MAGI2: variants seen among roughly 807,000 people sequenced by gnomAD.
MAGI2 encodes the protein membrane associated guanylate kinase, WW and PDZ domain containing 2, also known as membrane-associated guanylate kinase, WW and PDZ domain-containing protein 2.
MAGI2 carries 35 observed loss-of-function variants against 133.3 expected under a neutral mutation model. That is an observed-to-expected ratio of 0.26 (90% confidence interval 0.20 to 0.35). The LOEUF is 0.35. Among genes scored for constraint, MAGI2 ranks in the 10% least tolerant of loss-of-function variants. MAGI2 has a pLI of 1.00. For missense variants in MAGI2, 1,636 were observed against 1,863.4 expected, an observed-to-expected ratio of 0.88 and a Z score of 2.25; for synonymous variants, 729 against 710.6, an observed-to-expected ratio of 1.03 and a Z score of -0.41.
chr7:78,456,289 T>A (rs1430688164), intron 6 of MAGI2, among the ~76,000 whole-genome samples: 3 of 152,176 alleles, frequency 2.0e-5, no homozygotes, highest in African/African-American at 7.2e-5. Context: ...AGGCTTTTTA[T>A]AAGTTTGTGC....
chr7:79,247,440 C>T (rs904516644), intron 1 of MAGI2, among the ~76,000 whole-genome samples: 1 of 152,046 alleles, frequency 6.6e-6, no homozygotes, highest in African/African-American at 2.4e-5. Flanking sequence ...AATGGTGAGA[C>T]CTCGTCTCTA....
chr7:79,218,678 A>C (rs1335394788), intron 1 of MAGI2, among the ~76,000 whole-genome samples: 2 of 152,094 alleles, frequency 1.3e-5, no homozygotes, highest in Non-Finnish European at 2.9e-5. Flanking sequence ...GCTACTCTGT[A>C]AAAAGTTGGA....
At chr7:79,280,131 T>C (rs1835521602) in intron 1 of MAGI2, among the ~76,000 whole-genome samples, 1 of 152,180 alleles carries the variant, frequency 6.6e-6, no homozygotes, top group South Asian at 2.1e-4. Context: ...ATATAATAAG[T>C]CTTGGTCTCT....
In MAGI2 at chr7:78,361,558, T is replaced by C. The variant is rs1792813441; in HGVS notation, c.1103+7598A>G. Among the ~76,000 whole-genome samples, 3 of 152,296 alleles carry C rather than the reference T, an allele frequency of 2.0e-5. 1 individual carries two copies. Among genetic ancestry groups the C allele is most frequent in the Middle Eastern group, 6.8e-3 (2 of 294 alleles). ...TGGCTTTAGGACAAAGAAAATAATG[T>C]TTGAGAGTTATAAAAATTGTTTGTA... is the stretch of plus-strand genomic sequence containing the variant. On this transcript the variant is annotated intron_variant, in intron 7 of 21. Transcript: ENST00000354212.
chr7:78,371,402 A>C (rs75968533), intron 6 of MAGI2, among the ~76,000 whole-genome samples: 10,436 of 151,990 alleles, frequency 0.069, 394 homozygotes, highest in South Asian at 0.095. Flanking sequence ...CATCTTATGA[A>C]TGCAACAATA....
At chr7:79,182,044 G>A (rs932041749) in intron 1 of MAGI2, among the ~76,000 whole-genome samples, 3 of 151,866 alleles carry the variant, frequency 2.0e-5, no homozygotes, top group African/African-American at 7.3e-5. Context: ...AAGAAGTCTC[G>A]AGGGAGCTCT....
chr7:78,320,293 C>T (rs373918986), intron 9 of MAGI2, among the ~76,000 whole-genome samples: 1 of 152,100 alleles, frequency 6.6e-6, no homozygotes, highest in African/African-American at 2.4e-5. Context: ...CATCCCGATA[C>T]CAAAACCTGG....
At chr7:78,442,606 G>A (rs1327094797) in intron 6 of MAGI2, among the ~76,000 whole-genome samples, 1 of 152,132 alleles carries the variant, frequency 6.6e-6, no homozygotes, top group Non-Finnish European at 1.5e-5. Flanking sequence ...AATTTAGGAA[G>A]TTTGGCAAAT....
chr7:78,029,609 C>T (rs114453898), intron 21 of MAGI2, among the ~76,000 whole-genome samples: 2,417 of 152,248 alleles, frequency 0.016, 72 homozygotes, highest in African/African-American at 0.055. Flanking sequence ...CCCTTTAGGC[C>T]ATTTCTTGGG....
At chr7:78,970,814 T>C (rs1803724649) in intron 2 of MAGI2, among the ~76,000 whole-genome samples, 1 of 152,052 alleles carries the variant, frequency 6.6e-6, no homozygotes, top group South Asian at 2.1e-4. Flanking sequence ...ACAGCTTTCT[T>C]GTATCCTGTG....
At chr7:79,283,341 G>T (rs1305269992) in intron 1 of MAGI2, among the ~76,000 whole-genome samples, 5 of 152,026 alleles carry the variant, frequency 3.3e-5, no homozygotes, top group Non-Finnish European at 5.9e-5. Context: ...CAATAATAAA[G>T]CAGAAAGCAT....
chr7:78,052,881 G>C (rs1257980191), intron 21 of MAGI2, among the ~76,000 whole-genome samples: 1 of 151,868 alleles, frequency 6.6e-6, no homozygotes, highest in Non-Finnish European at 1.5e-5. Context: ...TAAAGTAGTG[G>C]AAAAATTAGA....
intron 3 of MAGI2, among the ~76,000 whole-genome samples, chr7:78,550,968 A>G (rs1157673473): frequency 6.6e-6 from 1 of 152,156 alleles, no homozygotes; most frequent in Non-Finnish European, 1.5e-5. Context: ...GATCCTTGTA[A>G]GCCATCTTAA....
Position 79,235,395 on chromosome 7 carries a change from C to G in MAGI2, c.301+217625G>C, listed in dbSNP as rs576464207. On this transcript the variant is annotated intron_variant, in intron 1 of 21. Transcript: ENST00000354212. The stretch of plus-strand genomic sequence containing the variant: ...ATGGCGGGCGCCCCTCCCCCAGCCT[C>G]GCTGCCGCCTTGCAGTTTGATCTCA... Among the ~76,000 whole-genome samples the G allele has an allele frequency of 5.5e-3, 830 of 151,780 alleles. 12 individuals carry two copies. Among genetic ancestry groups the G allele is most frequent in the Non-Finnish European group, 6.1e-3 (416 of 67,842 alleles).
intron 2 of MAGI2, among the ~76,000 whole-genome samples, chr7:78,689,322 ACT>A (rs1364920717): frequency 2.0e-5 from 3 of 152,142 alleles, no homozygotes; most frequent in Admixed American, 6.6e-5. Context: ...TATTCTCAAA[ACT>A]CAATATATTA....
At chr7:78,303,355 G>A (rs888218246) in intron 9 of MAGI2, among the ~76,000 whole-genome samples, 1 of 130,376 alleles carries the variant, frequency 7.7e-6, no homozygotes, top group East Asian at 2.2e-4. Context: ...TTCCAGCCTG[G>A]GCAACAAGAG....
rs573220080 is a variant in MAGI2, at chr7:78,572,881, C to T, written c.539-51236G>A. On this transcript the variant is annotated intron_variant, in intron 3 of 21. Coordinates refer to ENST00000354212, the MANE Select transcript of MAGI2 (RefSeq NM_012301.4). ...TTCCCCATGTTGGTCAGGCTGGTCT[C>T]AAACTCTCGACCTCAGGTGATCCGC... is the stretch of plus-strand genomic sequence containing the variant. Among the ~76,000 whole-genome samples, 4 of 150,568 alleles carry T rather than the reference C, an allele frequency of 2.7e-5. No homozygotes were observed. In the South Asian group the frequency reaches 8.4e-4, roughly 31 times the overall value.
At chr7:78,070,412 G>GTGTGTATATATATA (rs1232257781) in intron 21 of MAGI2, among the ~76,000 whole-genome samples, 1 of 147,562 alleles carries the variant, frequency 6.8e-6, no homozygotes, top group South Asian at 2.1e-4. Flanking sequence ...CCCTATGTGT[G>GTGTGTATATATATA]TGTGTATATA....
At chr7:78,735,851 T>G (rs1821795769) in intron 2 of MAGI2, among the ~76,000 whole-genome samples, 1 of 152,196 alleles carries the variant, frequency 6.6e-6, no homozygotes, top group South Asian at 2.1e-4. Context: ...TCACTTAGCT[T>G]AATATTAGAA....
Sources: gnomAD v4.1 joint callset for allele counts (sites outside exome capture counted in the v4.1 genomes callset) on GRCh38, gnomAD v4.1.1 for gene constraint, MANE v1.5 for transcripts, NCBI Gene and HGNC (gene_info 2026-07-23, HGNC 2026-07-21) for gene names.